The following PCDHGC3 variants were observed in gnomAD, a reference collection of about 807,000 sequenced individuals.
The protein encoded by PCDHGC3 is protocadherin gamma subfamily C, 3.
A neutral mutation model predicts 59.2 loss-of-function variants in PCDHGC3; 26 were observed. The ratio of observed to expected loss-of-function variants is 0.44; its 90% CI spans 0.32 to 0.61. The LOEUF (loss-of-function observed/expected upper bound fraction) is 0.61. PCDHGC3 is among the 20% of genes least tolerant of loss of function. The pLI is 0.05. For missense variants in PCDHGC3, 1,080 were observed against 1,221.8 expected, an observed-to-expected ratio of 0.88 and a Z score of 1.73; for synonymous variants, 487 against 519.7, an observed-to-expected ratio of 0.94 and a Z score of 0.86.
chr5:141,486,728 G>T lies in PCDHGC3; in HGVS notation c.2431-8079G>T. On this transcript the variant is annotated intron_variant, in intron 1 of 3. Coordinates refer to ENST00000308177, the MANE Select transcript of PCDHGC3 (RefSeq NM_002588.4). This position sits in a 1 kb window ranked among gnomAD's most constrained non-coding sequence, Gnocchi z 5.0. Reference sequence around the variant, plus strand: ...GAACCCCCAGACAGGAGCTGTTCATGCTACTCGATCCTTTGACTATGAGCA... The same window carrying T: ...GAACCCCCAGACAGGAGCTGTTCATTCTACTCGATCCTTTGACTATGAGCA... The T allele has an allele frequency of 6.2e-7, 1 of 1,614,200 alleles. No individual in the cohort carries two copies. The highest frequency in any genetic ancestry group is 8.5e-7 in the Non-Finnish European group (1 of 1,180,052).
In PCDHGC3 at chr5:141,485,146, G is replaced by C; in HGVS notation, c.2430+6600G>C. 6.4e-7 allele frequency: 1 copy of C among 1,569,470 alleles called. No individual in the cohort carries two copies. Among genetic ancestry groups the C allele is most frequent in the Non-Finnish European group, 8.7e-7 (1 of 1,143,568 alleles). On this transcript the variant is annotated intron_variant, in intron 1 of 3. Transcript: ENST00000308177. The surrounding 1 kb of genome is among the most constrained non-coding windows in gnomAD (Gnocchi z 5.7). Reference sequence around the variant, plus strand: ...GGTCGGCTTCATCCGCGTCTCAGGAGCAAGTAGAGAATTAGCGGGCGGCAG... The same window carrying C: ...GGTCGGCTTCATCCGCGTCTCAGGACCAAGTAGAGAATTAGCGGGCGGCAG...
chr5:141,484,695 G>A (rs1371166304), intron 1 of PCDHGC3, among the ~76,000 whole-genome samples: 3 of 151,920 alleles, frequency 2.0e-5, no homozygotes, highest in Non-Finnish European at 4.4e-5. Context: ...TCAGGCTGTG[G>A]CTGTTTTCCC....
chr5:141,502,487 C>A (rs563658817), intron 2 of PCDHGC3, among the ~76,000 whole-genome samples: 1 of 152,182 alleles, frequency 6.6e-6, no homozygotes, highest in Non-Finnish European at 1.5e-5. Context: ...CACACTGGGA[C>A]TCATCTAACG....
intron 3 of PCDHGC3, 46 bp from the exon 4 acceptor site, chr5:141,510,901 A>G: frequency 1.9e-6 from 3 of 1,613,412 alleles, no homozygotes; most frequent in African/African-American, 2.7e-5. Flanking sequence ...GTGACTGTTG[A>G]GGACCCTAAG....
Position 141,491,590 on chromosome 5 carries a change from G to A in PCDHGC3, c.2431-3217G>A, listed in dbSNP as rs376104513. ...GACGTGCTTTTCACCGGCCTCGGAC[G>A]GCAGTGACTTCACTTTTCTAAGACC... On this transcript the variant is annotated intron_variant, in intron 1 of 3. Transcript: ENST00000308177. The surrounding 1 kb of genome is among the most constrained non-coding windows in gnomAD (Gnocchi z 6.9). 15 of 1,613,828 alleles carry A rather than the reference G, an allele frequency of 9.3e-6. No homozygotes were observed. In the African/African-American group the frequency reaches 2.0e-4, roughly 22 times the overall value.
Position 141,487,925 on chromosome 5 carries a change from C to T in PCDHGC3, c.2431-6882C>T. 4.8e-6 allele frequency: 3 copies of T among 629,734 alleles called. No homozygotes were observed. The highest frequency in any genetic ancestry group is 8.3e-6 in the Non-Finnish European group (3 of 362,440). 39.0% of individuals were successfully genotyped at this position (629,734 alleles called of 1,614,324 possible). On this transcript the variant is annotated intron_variant, in intron 1 of 3. Coordinates refer to ENST00000308177, the MANE Select transcript of PCDHGC3 (RefSeq NM_002588.4). The surrounding 1 kb of genome is among the most constrained non-coding windows in gnomAD (Gnocchi z 5.0). ...TGTGGGAGCACAGGAGGCTACAGTGCACAGGGTACAGTGCACCAGGCAGTC... is the reference window on the plus strand; with the variant it reads ...TGTGGGAGCACAGGAGGCTACAGTGTACAGGGTACAGTGCACCAGGCAGTC...
chr5:141,477,506 G>T lies in PCDHGC3; in HGVS notation c.1390G>T (p.Val464Phe), dbSNP rs766083208. 6.2e-7 allele frequency: 1 copy of T among 1,614,028 alleles called. No homozygotes were observed. The highest frequency in any genetic ancestry group is 8.5e-7 in the Non-Finnish European group (1 of 1,180,016). The change falls in exon 1 of 4, where the codon GTT (valine) becomes TTT (phenylalanine). Residue 464 changes from valine (V) to phenylalanine (F), a missense_variant. Val to Phe is a conservative substitution (Grantham distance 50). Coordinates refer to ENST00000308177, the MANE Select transcript of PCDHGC3 (RefSeq NM_002588.4). This position sits in a 1 kb window ranked among gnomAD's most constrained non-coding sequence, Gnocchi z 4.9. ...PPQSSQSSYD[V>F]YIEENNLPGA... ...ACAATCTTCTCAATCTTCCTACGAC[G>T]TTTACATTGAAGAAAACAACCTCCC...
At position 141,493,482 on chromosome 5, in the gene PCDHGC3, G is replaced by A. The variant is rs184736387; in HGVS notation, c.2431-1325G>A. ...TTTTAGGACCTTACATGTGGGGAAA[G>A]TCTTCTGTGGCTCCTCATTTCTGAG... On this transcript the variant is annotated intron_variant, in intron 1 of 3. Coordinates refer to ENST00000308177, the MANE Select transcript of PCDHGC3 (RefSeq NM_002588.4). This position sits in a 1 kb window ranked among gnomAD's most constrained non-coding sequence, Gnocchi z 4.3. Among the ~76,000 whole-genome samples the A allele has an allele frequency of 1.5e-3, 229 of 152,324 alleles. No homozygotes were observed. Among genetic ancestry groups the A allele is most frequent in the Non-Finnish European group, 2.2e-3 (147 of 68,030 alleles).
rs1364068033 is a variant in PCDHGC3 at position 141,490,353 on chromosome 5, G to A, written c.2431-4454G>A. 3.1e-6 allele frequency: 5 copies of A among 1,614,090 alleles called. No individual in the cohort carries two copies. The highest frequency in any genetic ancestry group is 4.2e-6 in the Non-Finnish European group (5 of 1,180,046). On this transcript the variant is annotated intron_variant, in intron 1 of 3. Transcript: ENST00000308177. This position sits in a 1 kb window ranked among gnomAD's most constrained non-coding sequence, Gnocchi z 5.4. ...CACCAGTGGGCACAGTAGTGGGGTT[G>A]TTTAATGTGCGAGACCGGGACTCAG...
chr5:141,478,500 T>G lies in PCDHGC3; in HGVS notation c.2384T>G (p.Val795Gly). ...RQNTLRSCDPVFYRQVLGAES... is the reference protein window; with the variant it reads ...RQNTLRSCDPGFYRQVLGAES... The stretch of plus-strand genomic sequence containing the variant: ...AACACGCTGCGGAGCTGTGATCCGG[T>G]GTTCTATAGGCAGGTGTTGGGTGCA... The change falls in exon 1 of 4, where the codon GTG becomes GGG. Residue 795 changes from valine to glycine, a missense_variant. By Grantham distance (109) the Val-to-Gly change is moderately radical. Transcript: ENST00000308177. The G allele has an allele frequency of 6.2e-7, 1 of 1,612,740 alleles. No individual in the cohort carries two copies. Among genetic ancestry groups the G allele is most frequent in the Non-Finnish European group, 8.5e-7 (1 of 1,179,320 alleles).
At chr5:141,483,648 T>TTGTGTGTGTG (rs111458813) in intron 1 of PCDHGC3, among the ~76,000 whole-genome samples, 23 of 149,708 alleles carry the variant, frequency 1.5e-4, no homozygotes, top group African/African-American at 3.9e-4. Context: ...GGGTGTGTGT[T>TTGTGTGTGTG]TGTGTGTGTG....
In PCDHGC3 at chr5:141,493,307, AAG is replaced by A. The variant is rs2099747490; in HGVS notation, c.2431-1494_2431-1493del. Among the ~76,000 whole-genome samples, 1 of 152,234 alleles carries A rather than the reference AAG, an allele frequency of 6.6e-6. No homozygotes were observed. Among genetic ancestry groups the A allele is most frequent in the South Asian group, 2.1e-4 (1 of 4,832 alleles). ...ACTTGCTCAAGTTCACAGAGCAAGT[AAG>A]AGAGATTCTAACCCCTGTCTAACTC... On this transcript the variant is annotated intron_variant, in intron 1 of 3. Transcript: ENST00000308177. This position sits in a 1 kb window ranked among gnomAD's most constrained non-coding sequence, Gnocchi z 4.3.
Position 141,510,980 on chromosome 5 carries a change from G to C in PCDHGC3, c.2612G>C (p.Gly871Ala), listed in dbSNP as rs1466168256. 12 of 1,614,170 alleles carry C rather than the reference G, an allele frequency of 7.4e-6. No individual in the cohort carries two copies. The highest frequency in any genetic ancestry group is 9.3e-6 in the Non-Finnish European group (11 of 1,180,014). ...AADGSSTLGG[G>A]AGTMGLSARY... ...GATGGGAGCTCCACCCTGGGAGGGG[G>C]TGCCGGCACCATGGGATTGAGCGCC... is the stretch of plus-strand genomic sequence containing the variant. Residue 871 changes from glycine (G) to alanine (A), a missense_variant, in exon 4 of 4, where the codon GGT becomes GCT. By Grantham distance (60) the Gly-to-Ala change is moderately conservative (BLOSUM62 0). Transcript: ENST00000308177.
chr5:141,507,251 A>G (rs958917337), intron 3 of PCDHGC3: 3 of 152,400 alleles, frequency 2.0e-5, no homozygotes, highest in Non-Finnish European at 4.4e-5. Context: ...TGAATGTCAG[A>G]TAAACAGCAA....
chr5:141,487,822 G>C lies in PCDHGC3; in HGVS notation c.2431-6985G>C. On this transcript the variant is annotated intron_variant, in intron 1 of 3. Coordinates refer to ENST00000308177, the MANE Select transcript of PCDHGC3 (RefSeq NM_002588.4). The surrounding 1 kb of genome is among the most constrained non-coding windows in gnomAD (Gnocchi z 5.0). ...TGTCACAGTTTAGCATTGGGGGCGGGTCATGCCTATATCTGAGTAAGAAAT... is the reference window on the plus strand; with the variant it reads ...TGTCACAGTTTAGCATTGGGGGCGGCTCATGCCTATATCTGAGTAAGAAAT... 1 of 1,278,758 alleles carries C rather than the reference G, an allele frequency of 7.8e-7. No individual in the cohort carries two copies. The highest frequency in any genetic ancestry group is 1.4e-5 in the South Asian group (1 of 69,172). The allele number at this position is 1,278,758 out of a possible 1,614,324, so 79.2% of individuals were successfully genotyped here. A position where few individuals can be genotyped will look rare whatever the true frequency, so the allele number is the denominator to read the frequency against.
intron 1 of PCDHGC3, among the ~76,000 whole-genome samples, chr5:141,482,326 G>T (rs982211258): frequency 6.6e-6 from 1 of 152,072 alleles, no homozygotes. Context: ...AAAATAAAGA[G>T]AATATCTACT....
Position 141,487,266 on chromosome 5 carries a change from T to A in PCDHGC3, c.2431-7541T>A. The stretch of plus-strand genomic sequence containing the variant: ...ACCCTCTACTTGGCTGTGTCCCTAG[T>A]GGCAATTTGCTTTGTCTCCTTTGGC... On this transcript the variant is annotated intron_variant, in intron 1 of 3. Transcript: ENST00000308177. This position sits in a 1 kb window ranked among gnomAD's most constrained non-coding sequence, Gnocchi z 5.0. The A allele has an allele frequency of 1.2e-6, 2 of 1,614,172 alleles. No homozygotes were observed. Among genetic ancestry groups the A allele is most frequent in the Non-Finnish European group, 8.5e-7 (1 of 1,180,036 alleles).
Position 141,486,971 on chromosome 5 carries a change from T to G in PCDHGC3, c.2431-7836T>G. ...AAAGGTGACTGCTGTGGACTTGGAT[T>G]CAGGTTACAATGCTTGGGTTTCCTA... On this transcript the variant is annotated intron_variant, in intron 1 of 3. Transcript: ENST00000308177. The surrounding 1 kb of genome is among the most constrained non-coding windows in gnomAD (Gnocchi z 5.0). The G allele has an allele frequency of 6.2e-7, 1 of 1,614,220 alleles. No homozygotes were observed. The highest frequency in any genetic ancestry group is 8.5e-7 in the Non-Finnish European group (1 of 1,180,042).
In PCDHGC3 at chr5:141,491,419, G is replaced by A. The variant is rs1422517367; in HGVS notation, c.2431-3388G>A. On this transcript the variant is annotated intron_variant, in intron 1 of 3. Coordinates refer to ENST00000308177, the MANE Select transcript of PCDHGC3 (RefSeq NM_002588.4). This position sits in a 1 kb window ranked among gnomAD's most constrained non-coding sequence, Gnocchi z 6.9. ...GGGAAACGCAGACGGGGACGGGGGT[G>A]GAGGGCAGTGCTGCAGGCGCCAGGA... 1 of 1,614,124 alleles carries A rather than the reference G, an allele frequency of 6.2e-7. No individual in the cohort carries two copies.
Sources: gnomAD v4.1 joint callset for allele counts (sites outside exome capture counted in the v4.1 genomes callset) on GRCh38, gnomAD v4.1.1 for gene constraint, Gnocchi (gnomAD v3.1) non-coding constraint, MANE v1.5 for transcripts, NCBI Gene and HGNC (gene_info 2026-07-23, HGNC 2026-07-21) for gene names.